Variants in FAM163A observed in about 807,000 individuals in gnomAD.
The protein encoded by FAM163A is family with sequence similarity 163 member A, also known as protein FAM163A.
Under a neutral mutation model 12.0 loss-of-function variants are expected in FAM163A, and 7 were observed. The observed-to-expected ratio is 0.58, with a 90% CI of 0.33 to 1.10. FAM163A has a LOEUF of 1.10. Ranked by LOEUF, FAM163A falls within the 50% of genes least tolerant of loss-of-function variation. The pLI is 0.03. For synonymous variants in FAM163A, 101 were observed against 91.0 expected, an observed-to-expected ratio of 1.11 and a Z score of -0.62; for missense variants, 202 against 218.6, an observed-to-expected ratio of 0.92 and a Z score of 0.48.
intron 2 of FAM163A, among the ~76,000 whole-genome samples, chr1:179,809,884 T>C (rs1189077018): frequency 6.6e-6 from 1 of 152,068 alleles, no homozygotes; most frequent in African/African-American, 2.4e-5. Flanking sequence ...TGACCCCGCC[T>C]CCAGATGCCC....
At chr1:179,803,339 GTGCCAGCCGCAGCTGGCGTTTCC>G (rs937798562) in intron 1 of FAM163A, among the ~76,000 whole-genome samples, 4 of 152,162 alleles carry the variant, frequency 2.6e-5, no homozygotes, top group African/African-American at 9.7e-5. Flanking sequence ...ACATGTGCTG[GTGCCAGCCGCAGCTGGCGTTTCC>G]TGCCAGCATT....
chr1:179,785,173 C>A (rs952659705), intron 1 of FAM163A, among the ~76,000 whole-genome samples: 6 of 152,194 alleles, frequency 3.9e-5, no homozygotes, highest in African/African-American at 1.2e-4. Flanking sequence ...CTCCCACCCC[C>A]CATTCCTCAC....
In FAM163A at chr1:179,747,244, C is replaced by T. The variant is rs114191489; in HGVS notation, c.-136+3821C>T. On this transcript the variant is annotated intron_variant, in intron 1 of 4. Coordinates refer to ENST00000341785, the MANE Select transcript of FAM163A (RefSeq NM_173509.3). Reference sequence around the variant, plus strand: ...CCAGAGAAAGAAGGAAGATTATTGGCGCAGTTGTCACTGCATCAATCAGTG... The same window carrying T: ...CCAGAGAAAGAAGGAAGATTATTGGTGCAGTTGTCACTGCATCAATCAGTG... 1.6e-3 allele frequency among the ~76,000 whole-genome samples: 244 copies of T among 152,086 alleles called. 2 individuals carry two copies. Among genetic ancestry groups the T allele is most frequent in the African/African-American group, 5.6e-3 (232 of 41,494 alleles).
the FAM163A span, among the ~76,000 whole-genome samples, chr1:179,731,565 C>T: frequency 5.3e-5 from 8 of 152,144 alleles, no homozygotes; most frequent in South Asian, 2.1e-4. Flanking sequence ...AGATTTTTAA[C>T]GATAACTTCC....
At chr1:179,796,242 T>C (rs545405081) in intron 1 of FAM163A, among the ~76,000 whole-genome samples, 2 of 152,254 alleles carry the variant, frequency 1.3e-5, no homozygotes, top group East Asian at 3.9e-4. Flanking sequence ...TATTTCTATC[T>C]CTGAGAGTTA....
intron 1 of FAM163A, among the ~76,000 whole-genome samples, chr1:179,801,482 A>G (rs926261800): frequency 6.6e-6 from 1 of 152,144 alleles, no homozygotes; most frequent in Admixed American, 6.6e-5. Context: ...AGGGACCCTG[A>G]GGCTCTTGGA....
upstream of FAM163A, among the ~76,000 whole-genome samples, chr1:179,738,323 A>G (rs1683229397): frequency 2.0e-5 from 3 of 152,240 alleles, 1 homozygote; most frequent in South Asian, 6.2e-4. Context: ...ATCATTGCAC[A>G]TTATATACTT....
In FAM163A at chr1:179,786,093, A is replaced by T. The variant is rs1002081694; in HGVS notation, c.-135-21705A>T. On this transcript the variant is annotated intron_variant, in intron 1 of 4. Transcript: ENST00000341785. ...TGGCCATTTCCCCACTCCCTTGCCA[A>T]AAAGGGGCTAGTAATTAATACTTTT... Among the ~76,000 whole-genome samples the T allele has an allele frequency of 5.9e-5, 9 of 152,310 alleles. No individual in the cohort carries two copies. In the East Asian group the frequency reaches 7.7e-4, roughly 13 times the overall value.
chr1:179,736,475 G>A, the FAM163A span, among the ~76,000 whole-genome samples: 1 of 152,186 alleles, frequency 6.6e-6, no homozygotes, highest in South Asian at 2.1e-4. Flanking sequence ...ACTATATTGA[G>A]ATATCATCTC....
chr1:179,757,780 C>G (rs1291448187), intron 1 of FAM163A, among the ~76,000 whole-genome samples: 1 of 152,090 alleles, frequency 6.6e-6, no homozygotes, highest in Non-Finnish European at 1.5e-5. Flanking sequence ...CCACTGCACT[C>G]CAGCCTGAGC....
chr1:179,777,722 A>G (rs1245226498), intron 1 of FAM163A, among the ~76,000 whole-genome samples: 1 of 152,196 alleles, frequency 6.6e-6, no homozygotes, highest in Non-Finnish European at 1.5e-5. Context: ...ACTTTCCCCT[A>G]TAGCTCTCAG....
intron 1 of FAM163A, among the ~76,000 whole-genome samples, chr1:179,771,090 A>G (rs1688213560): frequency 6.6e-6 from 1 of 152,140 alleles, no homozygotes; most frequent in African/African-American, 2.4e-5. Flanking sequence ...GATCTCAAGC[A>G]CACTCTGCTG....
chr1:179,813,101 A>G lies in FAM163A; in HGVS notation c.4A>G (p.Thr2Ala). ...AGTTTGATGGGGCGCCGGGCGGATG[A>G]CAGCGGGAACGGTTGTGATCACTGG... Reference protein sequence around the residue: MTAGTVVITGGI... With the variant: MAAGTVVITGGI... The change falls in exon 4 of 5, where the codon ACA becomes GCA. Residue 2 changes from threonine to alanine, a missense_variant. Thr to Ala is a moderately conservative substitution (Grantham distance 58). Coordinates refer to ENST00000341785, the MANE Select transcript of FAM163A (RefSeq NM_173509.3). The G allele has an allele frequency of 6.4e-7, 1 of 1,551,754 alleles. No homozygotes were observed. Among genetic ancestry groups the G allele is most frequent in the Non-Finnish European group, 8.7e-7 (1 of 1,146,998 alleles).
intron 1 of FAM163A, among the ~76,000 whole-genome samples, chr1:179,807,538 G>T (rs1047036186): frequency 6.6e-6 from 1 of 152,218 alleles, no homozygotes; most frequent in African/African-American, 2.4e-5. Flanking sequence ...TCCTGCCGCT[G>T]CCCTGGGCAC....
intron 1 of FAM163A, among the ~76,000 whole-genome samples, chr1:179,747,117 A>G (rs906047954): frequency 3.3e-5 from 5 of 151,062 alleles, no homozygotes; most frequent in African/African-American, 7.3e-5. Context: ...TAGGAGGGCT[A>G]TTTCTGGTGT....
chr1:179,733,519 C>T, the FAM163A span, among the ~76,000 whole-genome samples: 1 of 151,992 alleles, frequency 6.6e-6, no homozygotes, highest in African/African-American at 2.4e-5. Context: ...AAATTAAGAC[C>T]CTCACAGAGG....
chr1:179,773,930 A>G (rs2148130963), intron 1 of FAM163A, among the ~76,000 whole-genome samples: 1 of 152,358 alleles, frequency 6.6e-6, no homozygotes, highest in Non-Finnish European at 1.5e-5. Context: ...ACTTTGTCTA[A>G]TTGAAAGGGG....
chr1:179,796,243 CTG>C (rs1357707267), intron 1 of FAM163A, among the ~76,000 whole-genome samples: 1 of 152,066 alleles, frequency 6.6e-6, no homozygotes, highest in Non-Finnish European at 1.5e-5. Flanking sequence ...ATTTCTATCT[CTG>C]AGAGTTACTG....
intron 1 of FAM163A, among the ~76,000 whole-genome samples, chr1:179,796,102 G>A (rs1301185794): frequency 2.0e-5 from 3 of 150,262 alleles, no homozygotes. Context: ...CGAAAGCTAT[G>A]TACCCCTTCT....
Sources: allele counts gnomAD v4.1 joint callset (sites outside exome capture counted in the v4.1 genomes callset), GRCh38; gene constraint gnomAD v4.1.1; transcripts MANE v1.5; gene names NCBI Gene and HGNC (gene_info 2026-07-23, HGNC 2026-07-21).